GRIK3: variants seen among roughly 807,000 people sequenced by gnomAD.
GRIK3 encodes glutamate receptor ionotropic, kainate 3.
GRIK3 carries 29 observed loss-of-function variants against 102.5 expected under a neutral mutation model. The ratio of observed to expected loss-of-function variants is 0.28; its 90% confidence interval spans 0.21 to 0.39. The LOEUF (loss-of-function observed/expected upper bound fraction) is 0.39, where lower values mean the gene tolerates loss of function less well. Ranked by LOEUF, GRIK3 falls within the 10% of genes least tolerant of loss-of-function variation. The pLI is 1.00. For missense variants in GRIK3, 908 were observed against 1,252.4 expected (o/e 0.73, Z 4.15); for synonymous variants, 511 against 504.9 (o/e 1.01, Z -0.16).
chr1:36,903,160 A>G (rs1429109373), intron 1 of GRIK3, among the ~76,000 whole-genome samples: 1 of 152,220 alleles, frequency 6.6e-6, no homozygotes, highest in Non-Finnish European at 1.5e-5. Flanking sequence ...CAACCTTATT[A>G]AAAAGTGGGC....
intron 1 of GRIK3, among the ~76,000 whole-genome samples, chr1:36,914,658 T>G (rs1287285034): frequency 6.6e-6 from 1 of 152,214 alleles, no homozygotes; most frequent in African/African-American, 2.4e-5. Flanking sequence ...CCCAGCCCTG[T>G]GCACTAGAGA....
At chr1:36,939,222 G>A (rs747697766) in intron 1 of GRIK3, among the ~76,000 whole-genome samples, 4 of 152,350 alleles carry the variant, frequency 2.6e-5, no homozygotes, top group East Asian at 3.9e-4. Context: ...CAGAGGGAGC[G>A]GGGCGGAGAG....
chr1:36,904,841 C>T (rs536119023), intron 1 of GRIK3, among the ~76,000 whole-genome samples: 192 of 152,278 alleles, frequency 1.3e-3, no homozygotes, highest in Non-Finnish European at 2.1e-3. Context: ...CATTACGCTA[C>T]TCTCTCTGTG....
intron 13 of GRIK3, among the ~76,000 whole-genome samples, chr1:36,814,430 T>C (rs984418806): frequency 6.6e-6 from 1 of 150,742 alleles, no homozygotes; most frequent in South Asian, 2.1e-4. Context: ...CAGACACATA[T>C]GCATGTACAG....
chr1:36,987,211 G>A (rs1223431456), intron 1 of GRIK3, among the ~76,000 whole-genome samples: 3 of 151,232 alleles, frequency 2.0e-5, no homozygotes, highest in Non-Finnish European at 4.4e-5. Context: ...ACTGAGGTTC[G>A]ATTCCATGTC....
intron 1 of GRIK3, among the ~76,000 whole-genome samples, chr1:36,981,755 C>T (rs1024132264): frequency 6.6e-6 from 1 of 152,188 alleles, no homozygotes; most frequent in Non-Finnish European, 1.5e-5. Context: ...ATATAGGCTG[C>T]CTACAGCATT....
At chr1:37,001,277 G>A (rs948115509) in intron 1 of GRIK3, among the ~76,000 whole-genome samples, 1 of 152,170 alleles carries the variant, frequency 6.6e-6, no homozygotes, top group Admixed American at 6.5e-5. Context: ...TCTGCCTATT[G>A]TCAGAAAGAA....
chr1:36,922,557 C>A (rs1343200876), intron 1 of GRIK3, among the ~76,000 whole-genome samples: 1 of 152,212 alleles, frequency 6.6e-6, no homozygotes, highest in Non-Finnish European at 1.5e-5. Context: ...CCCTTCACTC[C>A]CCCAAGGTGA....
intron 13 of GRIK3, among the ~76,000 whole-genome samples, chr1:36,816,059 G>A (rs1036888018): frequency 1.3e-5 from 2 of 152,132 alleles, no homozygotes. Context: ...TGCAAGCTGT[G>A]TTTCAACAAG....
chr1:37,031,854 G>C (rs1234186477), intron 1 of GRIK3, among the ~76,000 whole-genome samples: 4 of 152,174 alleles, frequency 2.6e-5, no homozygotes, highest in Non-Finnish European at 5.9e-5. Flanking sequence ...GTTCAAGCAG[G>C]GGCTCAGAAG....
At chr1:36,977,250 A>T (rs1361948533) in intron 1 of GRIK3, among the ~76,000 whole-genome samples, 2 of 152,224 alleles carry the variant, frequency 1.3e-5, no homozygotes, top group African/African-American at 4.8e-5. Context: ...AAATGAAATC[A>T]TGCCTGCCTC....
intron 14 of GRIK3, among the ~76,000 whole-genome samples, chr1:36,805,501 A>G (rs1378352917): frequency 6.6e-6 from 1 of 152,236 alleles, no homozygotes; most frequent in Non-Finnish European, 1.5e-5. Flanking sequence ...CTGCATCAGC[A>G]GGGGCAGGGG....
At chr1:36,831,381 T>G (rs1298811084) in intron 10 of GRIK3, among the ~76,000 whole-genome samples, 1 of 152,180 alleles carries the variant, frequency 6.6e-6, no homozygotes, top group East Asian at 1.9e-4. Flanking sequence ...GCTGCCTAAG[T>G]AAACCAGCCT....
intron 1 of GRIK3, among the ~76,000 whole-genome samples, chr1:36,983,075 C>T (rs558897432): frequency 3.9e-5 from 6 of 152,168 alleles, no homozygotes; most frequent in African/African-American, 7.2e-5. Context: ...GCCACACAAT[C>T]GCACATTCTC....
At chr1:36,988,339 G>C (rs551814665) in intron 1 of GRIK3, among the ~76,000 whole-genome samples, 1 of 152,368 alleles carries the variant, frequency 6.6e-6, no homozygotes, top group African/African-American at 2.4e-5. Flanking sequence ...CAGAGTCCCA[G>C]CTCCGGTTCC....
intron 1 of GRIK3, among the ~76,000 whole-genome samples, chr1:37,005,922 T>C (rs908926493): frequency 7.2e-5 from 11 of 152,100 alleles, no homozygotes; most frequent in African/African-American, 2.4e-4. Flanking sequence ...GACTTCATCT[T>C]ATAGGCAGTG....
chr1:36,872,410 T>C lies in GRIK3; in HGVS notation c.551-41A>G. 2 of 1,460,266 alleles carry C rather than the reference T, an allele frequency of 1.4e-6. No individual in the cohort carries two copies. The highest frequency in any genetic ancestry group is 1.9e-6 in the Non-Finnish European group (2 of 1,073,102). 90.5% of individuals were successfully genotyped at this position (1,460,266 alleles called of 1,614,324 possible). ...GCACAAAAGACACACGTGTACCACA[T>C]GTATCCACAGCTCCAGGCATCCACT... On this transcript the variant is annotated intron_variant, in intron 3 of 15. Coordinates refer to ENST00000373091, the MANE Select transcript of GRIK3 (RefSeq NM_000831.4). This position sits in a 1 kb window ranked among gnomAD's most constrained non-coding sequence, Gnocchi z 5.9.
intron 1 of GRIK3, among the ~76,000 whole-genome samples, chr1:36,977,534 T>G (rs1363976260): frequency 6.6e-6 from 1 of 152,150 alleles, no homozygotes; most frequent in Non-Finnish European, 1.5e-5. Context: ...GAGCTGGATA[T>G]GCAAAAAATG....
At position 36,864,568 on chromosome 1, in the gene GRIK3, T is replaced by G. The variant is rs147305874; in HGVS notation, c.787-4551A>C. ...GTGTGAAGGGCAGCATCTCTGGCCT[T>G]GGTGGGAGCTTGGGTGCTGGTGGAA... On this transcript the variant is annotated intron_variant, in intron 5 of 15. Transcript: ENST00000373091. Among the ~76,000 whole-genome samples, 268 of 152,154 alleles carry G rather than the reference T, an allele frequency of 1.8e-3. 4 individuals carry two copies. In the East Asian group the frequency reaches 0.025, roughly 14 times the overall value.
Sources: allele counts gnomAD v4.1 joint callset (sites outside exome capture counted in the v4.1 genomes callset), GRCh38; gene constraint gnomAD v4.1.1; non-coding constraint Gnocchi (gnomAD v3.1); transcripts MANE v1.5; gene names NCBI Gene and HGNC (gene_info 2026-07-23, HGNC 2026-07-21).